FAM13C: variants seen among roughly 807,000 people sequenced by gnomAD.
FAM13C encodes the protein protein FAM13C.
In FAM13C, 37 loss-of-function variants were observed where a neutral mutation model predicts 73.2. The ratio of observed to expected loss-of-function variants is 0.51; its 90% CI spans 0.39 to 0.67. The LOEUF is 0.67. Ranked by LOEUF, FAM13C falls within the 30% of genes least tolerant of loss-of-function variation. The probability of loss-of-function intolerance (pLI) is 0.00; values close to 1 mark genes in which losing one functional copy is unlikely to be tolerated. For synonymous variants in FAM13C, 246 were observed against 260.9 expected (o/e 0.94, Z 0.55); for missense variants, 589 against 715.6 (o/e 0.82, Z 2.02).
intron 3 of FAM13C, among the ~76,000 whole-genome samples, chr10:59,336,704 G>A (rs892332771): frequency 6.6e-6 from 1 of 152,170 alleles, no homozygotes; most frequent in Non-Finnish European, 1.5e-5. Flanking sequence ...TCAGATGCTT[G>A]GCAGCCAAAA....
chr10:59,325,078 C>T (rs375696473), intron 3 of FAM13C, among the ~76,000 whole-genome samples: 2 of 151,664 alleles, frequency 1.3e-5, no homozygotes, highest in African/African-American at 4.9e-5. Context: ...AAATGAGATA[C>T]TAAAACAAAA....
chr10:59,329,201 T>C (rs1269144411), intron 3 of FAM13C, among the ~76,000 whole-genome samples: 1 of 152,076 alleles, frequency 6.6e-6, no homozygotes. Flanking sequence ...TTTAAAACAT[T>C]TCTGGCCATC....
At chr10:59,252,157 T>C (rs1264392499) in intron 12 of FAM13C, among the ~76,000 whole-genome samples, 1 of 152,140 alleles carries the variant, frequency 6.6e-6, no homozygotes, top group Admixed American at 6.5e-5. Flanking sequence ...GATAGTTACA[T>C]TGCAAATTCT....
intron 7 of FAM13C, among the ~76,000 whole-genome samples, chr10:59,269,655 A>G (rs879574624): frequency 8.5e-5 from 13 of 152,224 alleles, no homozygotes; most frequent in Admixed American, 5.2e-4. Flanking sequence ...TTCACCAAAA[A>G]TGTTCAAACA....
intron 5 of FAM13C, chr10:59,283,759 C>T: frequency 3.8e-6 from 2 of 525,710 alleles, no homozygotes; most frequent in Non-Finnish European, 6.8e-6. Flanking sequence ...GTGATTTCAT[C>T]AGCAAGAGAC....
At chr10:59,321,001 A>G (rs1589599954) in intron 4 of FAM13C, among the ~76,000 whole-genome samples, 1 of 152,202 alleles carries the variant, frequency 6.6e-6, no homozygotes, top group Non-Finnish European at 1.5e-5. Context: ...CTGGGGTTAT[A>G]TGTGCCATAT....
At chr10:59,362,721 G>A (rs961488519), upstream of FAM13C, 3 of 651,852 alleles carry the variant, frequency 4.6e-6, no homozygotes, top group Non-Finnish European at 4.9e-6. Context: ...CCGGGATCCA[G>A]CGAGGAGCAC....
At position 59,347,857 on chromosome 10, in the gene FAM13C, C is replaced by T. The variant is rs199806676; in HGVS notation, c.324+4413G>A. On this transcript the variant is annotated intron_variant, in intron 3 of 13. Coordinates refer to ENST00000618804, the MANE Select transcript of FAM13C (RefSeq NM_198215.4). ...CATGTCCCTGCAAAGGACATGAACT[C>T]ATCCTTTTATATGGCTGCATAGTAT... 2.6e-5 allele frequency among the ~76,000 whole-genome samples: 4 copies of T among 152,234 alleles called. No homozygotes were observed. In the East Asian group the frequency reaches 7.8e-4, roughly 30 times the overall value.
At chr10:59,317,287 G>T (rs529242709) in intron 4 of FAM13C, among the ~76,000 whole-genome samples, 1 of 152,152 alleles carries the variant, frequency 6.6e-6, no homozygotes, top group Non-Finnish European at 1.5e-5. Flanking sequence ...GTCGCCTCAG[G>T]CACACTGAAC....
intron 5 of FAM13C, among the ~76,000 whole-genome samples, chr10:59,293,421 G>A (rs763594610): frequency 3.3e-5 from 5 of 152,100 alleles, no homozygotes; most frequent in Non-Finnish European, 7.4e-5. Context: ...AACATGCAGT[G>A]TTTATCTTTC....
intron 5 of FAM13C, among the ~76,000 whole-genome samples, chr10:59,298,334 G>T (rs189625787): frequency 6.6e-6 from 1 of 152,304 alleles, no homozygotes; most frequent in Admixed American, 6.5e-5. Context: ...CAGGTAAGAA[G>T]TAAAATGTAA....
intron 3 of FAM13C, chr10:59,327,804 T>A (rs1725427304): frequency 6.6e-6 from 1 of 152,156 alleles, no homozygotes; most frequent in Admixed American, 6.6e-5. Flanking sequence ...GAGAAGTGAA[T>A]AAGACATTCT....
rs1840753782 is a variant in FAM13C at position 59,246,875 on chromosome 10, T to TA, written c.*738dup. On this transcript the variant is annotated 3_prime_UTR_variant, in exon 14 of 14. Transcript: ENST00000618804. The stretch of plus-strand genomic sequence containing the variant: ...ACTACAGACACATATCTATCCAAAA[T>TA]ACCTATTTTAAATTTTTAATACAAT... 2.8e-6 allele frequency: 1 copy of TA among 361,320 alleles called. No individual in the cohort carries two copies. The highest frequency in any genetic ancestry group is 4.6e-5 in the Admixed American group (1 of 21,920). The allele number at this position is 361,320 out of a possible 1,614,324, so 22.4% of individuals were successfully genotyped here.
At chr10:59,257,002 G>C (rs1209147394) in intron 10 of FAM13C, among the ~76,000 whole-genome samples, 1 of 152,006 alleles carries the variant, frequency 6.6e-6, no homozygotes, top group South Asian at 2.1e-4. Flanking sequence ...AGGAAACAAG[G>C]TTTCCTTTAT....
intron 3 of FAM13C, 36 bp from the exon 4 acceptor site, chr10:59,324,142 A>G (rs775295242): frequency 6.5e-7 from 1 of 1,527,978 alleles, no homozygotes. Flanking sequence ...ATGAGCTGTC[A>G]ACAGCAATCA....
chr10:59,343,463 G>A (rs1853782956), intron 3 of FAM13C, among the ~76,000 whole-genome samples: 1 of 152,150 alleles, frequency 6.6e-6, no homozygotes, highest in Non-Finnish European at 1.5e-5. Flanking sequence ...TTGAGTAGAG[G>A]ATGTGGAAGT....
intron 6 of FAM13C, among the ~76,000 whole-genome samples, chr10:59,276,538 G>A (rs568145812): frequency 1.3e-5 from 2 of 152,318 alleles, no homozygotes; most frequent in African/African-American, 2.4e-5. Context: ...TGAGGAGGAT[G>A]AGAGAGTAAA....
chr10:59,319,568 T>C (rs1251356855), intron 4 of FAM13C, among the ~76,000 whole-genome samples: 1 of 152,230 alleles, frequency 6.6e-6, no homozygotes, highest in Non-Finnish European at 1.5e-5. Flanking sequence ...CCCTTTGTCA[T>C]ATCTGAGGGT....
At chr10:59,348,670 G>A (rs1483555867) in intron 3 of FAM13C, among the ~76,000 whole-genome samples, 1 of 151,972 alleles carries the variant, frequency 6.6e-6, no homozygotes, top group Non-Finnish European at 1.5e-5. Flanking sequence ...ATGGAGTCTT[G>A]CTCTGTTGCC....
Sources: gnomAD v4.1 joint callset for allele counts (sites outside exome capture counted in the v4.1 genomes callset) on GRCh38, gnomAD v4.1.1 for gene constraint, MANE v1.5 for transcripts, NCBI Gene and HGNC (gene_info 2026-07-23, HGNC 2026-07-21) for gene names.